The following CASD1 variants were observed in gnomAD, a reference collection of about 807,000 sequenced individuals.
CASD1 encodes CAS1 domain sialic acid O acetyltransferase 1, also known as N-acetylneuraminate (7)9-O-acetyltransferase.
CASD1 carries 41 observed loss-of-function variants against 100.0 expected under a neutral mutation model. That is an observed-to-expected ratio of 0.41 (90% CI 0.32 to 0.53). The LOEUF is 0.53. Ranked by LOEUF, CASD1 falls within the 20% of genes least tolerant of loss-of-function variation. CASD1 has a pLI of 0.25. For synonymous variants in CASD1, 321 were observed against 315.6 expected (o/e 1.02, Z -0.18); for missense variants, 774 against 948.7 (o/e 0.82, Z 2.42).
At chr7:94,629,545 TTGTC>T in the CASD1 span, 1 of 625,890 alleles carries the variant, frequency 1.6e-6, no homozygotes, top group Non-Finnish European at 2.8e-6. Context: ...TAAATTATTT[TTGTC>T]TGTAATTAAA....
At chr7:94,617,637 C>T in the CASD1 span, 1 of 152,186 alleles carries the variant, frequency 6.6e-6, no homozygotes, top group South Asian at 2.1e-4. Flanking sequence ...CAACTAGGTA[C>T]ATAGACAAGA....
At chr7:94,559,726 G>A (rs775061514), downstream of CASD1, among the ~76,000 whole-genome samples, 5 of 151,932 alleles carry the variant, frequency 3.3e-5, no homozygotes, top group African/African-American at 9.7e-5. Flanking sequence ...GGGTTTCACC[G>A]TGTTGGCCAG....
the CASD1 span, among the ~76,000 whole-genome samples, chr7:94,579,923 C>T: frequency 6.6e-6 from 1 of 152,188 alleles, no homozygotes; most frequent in African/African-American, 2.4e-5. Flanking sequence ...TTGTCTATCA[C>T]AATGGATATT....
chr7:94,633,611 C>T, the CASD1 span, among the ~76,000 whole-genome samples: 22 of 151,872 alleles, frequency 1.4e-4, no homozygotes, highest in African/African-American at 5.3e-4. Flanking sequence ...TAACAGACCA[C>T]GAAAGCAGTA....
At chr7:94,559,310 G>A (rs201030834), downstream of CASD1, among the ~76,000 whole-genome samples, 246 of 125,712 alleles carry the variant, frequency 2.0e-3, no homozygotes, top group East Asian at 0.018. Flanking sequence ...GTGTGTATGT[G>A]TGTGTGTGTG....
At position 94,547,165 on chromosome 7, in the gene CASD1, C is replaced by A; in HGVS notation, c.1703C>A (p.Ala568Glu). The A allele has an allele frequency of 6.3e-7, 1 of 1,580,890 alleles. No homozygotes were observed. The highest frequency in any genetic ancestry group is 2.3e-5 in the East Asian group (1 of 43,904). ...TTGCTGTTATTCATATGTTTTTTGGCATATTCTCAGGTTTGTACAATCTTT... is the reference window on the plus strand; with the variant it reads ...TTGCTGTTATTCATATGTTTTTTGGAATATTCTCAGGTTTGTACAATCTTT... ...GFLLLFICFL[A>E]YSQGAFEKIF... Residue 568 changes from alanine (A) to glutamate (E), a missense_variant, in exon 13 of 18, where the codon GCA becomes GAA. Transcript: ENST00000297273.
downstream of CASD1, among the ~76,000 whole-genome samples, chr7:94,559,334 ATG>A (rs1468768701): frequency 7.7e-6 from 1 of 129,136 alleles, no homozygotes; most frequent in African/African-American, 2.8e-5. Context: ...GTATATATAT[ATG>A]TATATATATG....
At chr7:94,522,074 A>G (rs1186726789) in intron 3 of CASD1, among the ~76,000 whole-genome samples, 4 of 152,228 alleles carry the variant, frequency 2.6e-5, no homozygotes, top group South Asian at 4.1e-4. Flanking sequence ...ACAGAGTGAG[A>G]CTCCATTTCA....
At chr7:94,522,437 A>G (rs995558526) in intron 3 of CASD1, among the ~76,000 whole-genome samples, 2 of 152,220 alleles carry the variant, frequency 1.3e-5, no homozygotes, top group Non-Finnish European at 2.9e-5. Flanking sequence ...TATAAAGCAA[A>G]AATATAACTA....
the CASD1 span, among the ~76,000 whole-genome samples, chr7:94,581,733 C>G: frequency 6.6e-6 from 1 of 152,186 alleles, no homozygotes; most frequent in Non-Finnish European, 1.5e-5. Context: ...GCATAGTAGT[C>G]CATGGTGTAT....
chr7:94,561,299 C>A (rs1369734409), downstream of CASD1, among the ~76,000 whole-genome samples: 9 of 152,104 alleles, frequency 5.9e-5, no homozygotes, highest in Admixed American at 5.9e-4. Context: ...TTTAGAAACA[C>A]CAAGCTGTTT....
chr7:94,514,832 A>C (rs1377808077), intron 1 of CASD1, among the ~76,000 whole-genome samples: 1 of 152,074 alleles, frequency 6.6e-6, no homozygotes, highest in Non-Finnish European at 1.5e-5. Context: ...CATTTATCTC[A>C]CATTAGTTGT....
chr7:94,612,977 T>C, the CASD1 span, among the ~76,000 whole-genome samples: 1 of 152,242 alleles, frequency 6.6e-6, no homozygotes, highest in Non-Finnish European at 1.5e-5. Context: ...CTGCTACAAC[T>C]GTAGTTCTAG....
chr7:94,545,734 A>C, intron 12 of CASD1, 33 bp downstream of exon 12: 1 of 1,412,040 alleles, frequency 7.1e-7, no homozygotes, highest in Non-Finnish European at 9.6e-7. Flanking sequence ...GTTAGTAAAT[A>C]TATTTTTTCA....
At chr7:94,563,267 C>T in the CASD1 span, among the ~76,000 whole-genome samples, 9 of 152,066 alleles carry the variant, frequency 5.9e-5, no homozygotes, top group Non-Finnish European at 1.2e-4. Flanking sequence ...ATATCCTAAA[C>T]GGAGGCAACA....
chr7:94,579,011 C>T, the CASD1 span, among the ~76,000 whole-genome samples: 1 of 151,888 alleles, frequency 6.6e-6, no homozygotes, highest in African/African-American at 2.4e-5. Context: ...TTATATTAGA[C>T]ATTAGGTTAA....
the CASD1 span, among the ~76,000 whole-genome samples, chr7:94,583,276 G>A: frequency 6.6e-6 from 1 of 152,024 alleles, no homozygotes; most frequent in East Asian, 1.9e-4. Flanking sequence ...AAATGTTTAG[G>A]GGCTTTCAAT....
the CASD1 span, chr7:94,629,571 T>C: frequency 1.3e-6 from 1 of 754,222 alleles, no homozygotes; most frequent in Non-Finnish European, 2.2e-6. Flanking sequence ...TTCTAATCTG[T>C]AAATGAGAAA....
At chr7:94,578,120 T>C in the CASD1 span, among the ~76,000 whole-genome samples, 2 of 152,186 alleles carry the variant, frequency 1.3e-5, no homozygotes, top group African/African-American at 4.8e-5. Context: ...TAGCAAAGTT[T>C]GGTTAACTTC....
Sources: allele counts gnomAD v4.1 joint callset (sites outside exome capture counted in the v4.1 genomes callset), GRCh38; gene constraint gnomAD v4.1.1; transcripts MANE v1.5; gene names NCBI Gene and HGNC (gene_info 2026-07-23, HGNC 2026-07-21).